The following P4HA1 variants were observed in gnomAD, a reference collection of about 807,000 sequenced individuals.
P4HA1 encodes the protein prolyl 4-hydroxylase subunit alpha 1.
In P4HA1, 24 loss-of-function variants were observed where a neutral mutation model predicts 72.8. That is an observed-to-expected ratio of 0.33 (90% CI 0.24 to 0.46). The LOEUF (loss-of-function observed/expected upper bound fraction) is 0.46, where lower values mean the gene tolerates loss of function less well. P4HA1 is among the 20% of genes least tolerant of loss of function. The probability of loss-of-function intolerance (pLI) is 1.00; values close to 1 mark genes in which losing one functional copy is unlikely to be tolerated. For synonymous variants in P4HA1, 201 were observed against 218.8 expected (o/e 0.92, Z 0.72); for missense variants, 446 against 640.6 (o/e 0.70, Z 3.28).
chr10:73,012,388 A>G (rs1023144622), intron 12 of P4HA1, among the ~76,000 whole-genome samples: 1 of 152,236 alleles, frequency 6.6e-6, no homozygotes, highest in Non-Finnish European at 1.5e-5. Context: ...AAACTGGTAC[A>G]ACCTCTAAGA....
chr10:73,087,965 T>C (rs1841956985), intron 1 of P4HA1, among the ~76,000 whole-genome samples: 1 of 152,234 alleles, frequency 6.6e-6, no homozygotes, highest in Admixed American at 6.5e-5. Context: ...CTTGGCATCA[T>C]GTCCAAGAAA....
chr10:73,049,314 A>G (rs1840956356), intron 7 of P4HA1, among the ~76,000 whole-genome samples: 1 of 152,224 alleles, frequency 6.6e-6, no homozygotes, highest in Non-Finnish European at 1.5e-5. Context: ...TGAGTTTACC[A>G]GTAGTAAAGA....
intron 5 of P4HA1, among the ~76,000 whole-genome samples, chr10:73,056,407 G>A (rs766972362): frequency 2.6e-5 from 4 of 152,022 alleles, no homozygotes; most frequent in South Asian, 2.1e-4. Context: ...CGAGGCAGGC[G>A]GATCACCTGA....
chr10:73,095,065 A>C (rs1254033849), intron 1 of P4HA1, among the ~76,000 whole-genome samples: 1 of 152,166 alleles, frequency 6.6e-6, no homozygotes, highest in African/African-American at 2.4e-5. Context: ...AACATTTGTC[A>C]TCAGCTATCA....
chr10:73,034,628 C>T (rs1363131504), intron 9 of P4HA1, among the ~76,000 whole-genome samples: 2 of 149,194 alleles, frequency 1.3e-5, no homozygotes, highest in East Asian at 3.9e-4. Flanking sequence ...ACTCCAGTTG[C>T]CCAGGCTGGA....
At chr10:73,018,337 G>A (rs1840055539) in intron 10 of P4HA1, among the ~76,000 whole-genome samples, 1 of 152,220 alleles carries the variant, frequency 6.6e-6, no homozygotes, top group Admixed American at 6.5e-5. Context: ...CAGGGCTGAA[G>A]TAGTACCCAG....
intron 1 of P4HA1, among the ~76,000 whole-genome samples, chr10:73,095,450 TA>T (rs923977999): frequency 2.0e-5 from 3 of 151,478 alleles, no homozygotes; most frequent in African/African-American, 7.3e-5. Context: ...CTGATTATTT[TA>T]GGAAAAGACT....
chr10:73,033,059 T>C (rs1279757409), intron 9 of P4HA1, among the ~76,000 whole-genome samples: 2 of 152,174 alleles, frequency 1.3e-5, no homozygotes, highest in Non-Finnish European at 2.9e-5. Flanking sequence ...ATTAAGAATT[T>C]TTTTCTTCTA....
At chr10:73,096,267 A>T (rs534554234) in intron 1 of P4HA1, among the ~76,000 whole-genome samples, 54 of 152,234 alleles carry the variant, frequency 3.5e-4, no homozygotes, top group African/African-American at 1.3e-3. Flanking sequence ...ATAGGGCAAA[A>T]ATGCCTGGCG....
chr10:73,083,988 AAAGTTT>A (rs1257859116), intron 1 of P4HA1, among the ~76,000 whole-genome samples: 1 of 152,228 alleles, frequency 6.6e-6, no homozygotes, highest in Non-Finnish European at 1.5e-5. Flanking sequence ...ACAAAAAAAC[AAAGTTT>A]AAGTAAATAG....
At chr10:73,047,173 T>A in intron 7 of P4HA1, 72 bp from the exon 8 acceptor site, 1 of 1,043,162 alleles carries the variant, frequency 9.6e-7, no homozygotes. Context: ...CCTATGCAGA[T>A]AAGAGACAAT....
At chr10:73,030,927 A>G (rs1207939255) in intron 9 of P4HA1, among the ~76,000 whole-genome samples, 6 of 152,222 alleles carry the variant, frequency 3.9e-5, no homozygotes, top group African/African-American at 1.4e-4. Flanking sequence ...GGGAATGTAA[A>G]AGGGGCAGCC....
intron 9 of P4HA1, among the ~76,000 whole-genome samples, chr10:73,037,687 A>G (rs984343057): frequency 7.4e-5 from 11 of 149,278 alleles, no homozygotes; most frequent in African/African-American, 2.7e-4. Flanking sequence ...AACAAAGGCT[A>G]ATAATCTAGA....
intron 5 of P4HA1, among the ~76,000 whole-genome samples, chr10:73,055,149 C>T (rs1841110786): frequency 1.3e-5 from 2 of 152,176 alleles, no homozygotes; most frequent in African/African-American, 4.8e-5. Context: ...AAGAAGAATG[C>T]TTAAGCCCAA....
At chr10:73,063,849 A>C (rs552707007) in intron 5 of P4HA1, among the ~76,000 whole-genome samples, 1 of 152,336 alleles carries the variant, frequency 6.6e-6, no homozygotes, top group South Asian at 2.1e-4. Context: ...ACTGCCTGGG[A>C]ATCTGATTTT....
chr10:73,061,893 C>G (rs1319231091), intron 5 of P4HA1, among the ~76,000 whole-genome samples: 1 of 152,188 alleles, frequency 6.6e-6, no homozygotes, highest in Non-Finnish European at 1.5e-5. Flanking sequence ...GTGGCACGCA[C>G]CTATAGTCCC....
chr10:73,046,817 T>C, intron 8 of P4HA1, 108 bp downstream of exon 8: 1 of 839,688 alleles, frequency 1.2e-6, no homozygotes, highest in South Asian at 1.7e-5. Flanking sequence ...AAAATATCTT[T>C]AAAAAATCTG....
rs1050502197 is a variant in P4HA1, at chr10:73,040,979, C to T, written c.1148+4002G>A. Among the ~76,000 whole-genome samples, 5 of 151,980 alleles carry T rather than the reference C, an allele frequency of 3.3e-5. No homozygotes were observed. The South Asian group carries it at 6.2e-4, about 19-fold the overall frequency. On this transcript the variant is annotated intron_variant, in intron 9 of 14. Coordinates refer to ENST00000394890, the MANE Select transcript of P4HA1 (RefSeq NM_001017962.3). ...TGGAAAATTAGCTTAATGTAAAAAT[C>T]GGGTTAATTGCAATGTTCAGAAGCA...
At chr10:73,009,711 G>A in intron 14 of P4HA1, 96 bp downstream of exon 14, 1 of 650,174 alleles carries the variant, frequency 1.5e-6, no homozygotes, top group Non-Finnish European at 2.7e-6. Context: ...ATCATATTAA[G>A]CAAACATGGG....
Sources: gnomAD v4.1 joint callset for allele counts (sites outside exome capture counted in the v4.1 genomes callset) on GRCh38, gnomAD v4.1.1 for gene constraint, MANE v1.5 for transcripts, NCBI Gene and HGNC (gene_info 2026-07-23, HGNC 2026-07-21) for gene names.